ARHGAP26: variants seen among roughly 807,000 people sequenced by gnomAD.
ARHGAP26 encodes the protein rho GTPase-activating protein 26.
In ARHGAP26, 38 loss-of-function variants were observed where a neutral mutation model predicts 104.8. The observed-to-expected ratio is 0.36, with a 90% CI of 0.28 to 0.48. The LOEUF is 0.48. Ranked by LOEUF, ARHGAP26 falls within the 20% of genes least tolerant of loss-of-function variation. ARHGAP26 has a pLI of 0.99. For missense variants in ARHGAP26, 704 were observed against 947.9 expected, an observed-to-expected ratio of 0.74 and a Z score of 3.38; for synonymous variants, 341 against 340.0, an observed-to-expected ratio of 1.00 and a Z score of -0.03.
chr5:143,027,241 G>A (rs1004337096), intron 12 of ARHGAP26, among the ~76,000 whole-genome samples: 11 of 149,694 alleles, frequency 7.3e-5, no homozygotes, highest in Non-Finnish European at 3.0e-5. Context: ...GTACAATCTT[G>A]GCTCACTGCT....
intron 10 of ARHGAP26, among the ~76,000 whole-genome samples, chr5:142,915,062 A>G (rs934983293): frequency 5.9e-5 from 9 of 152,172 alleles, no homozygotes; most frequent in African/African-American, 2.2e-4. Context: ...TTGTGTTTTC[A>G]TCTTCAGAAG....
At chr5:142,957,287 T>C (rs1769418213) in intron 11 of ARHGAP26, among the ~76,000 whole-genome samples, 1 of 152,242 alleles carries the variant, frequency 6.6e-6, no homozygotes, top group African/African-American at 2.4e-5. Flanking sequence ...TAAAATCTTG[T>C]AGAAAAAATT....
intron 1 of ARHGAP26, among the ~76,000 whole-genome samples, chr5:142,864,178 G>A (rs1344885590): frequency 6.6e-6 from 1 of 152,088 alleles, no homozygotes; most frequent in East Asian, 1.9e-4. Flanking sequence ...ACCTTCTGAG[G>A]AAGCCCAGTA....
rs560396537 is a variant in ARHGAP26 at position 142,916,650 on chromosome 5, A to G, written c.1028+3357A>G. ...AACAAAAAAAAATTCAGGCTCCTCT[A>G]CTAAGGAGCTGAATGCTTACCTGTA... On this transcript the variant is annotated intron_variant, in intron 10 of 22. Transcript: ENST00000645722. Among the ~76,000 whole-genome samples, 230 of 152,340 alleles carry G rather than the reference A, an allele frequency of 1.5e-3. 1 individual carries two copies. The highest frequency in any genetic ancestry group is 5.3e-3 in the African/African-American group (220 of 41,574).
intron 19 of ARHGAP26, among the ~76,000 whole-genome samples, chr5:143,144,747 A>C (rs1399055133): frequency 6.6e-6 from 1 of 152,204 alleles, no homozygotes; most frequent in Non-Finnish European, 1.5e-5. Flanking sequence ...AAATGCTGTA[A>C]AATTTGTCTT....
intron 20 of ARHGAP26, among the ~76,000 whole-genome samples, chr5:143,194,575 A>T (rs1052876191): frequency 6.8e-6 from 1 of 147,454 alleles, no homozygotes; most frequent in Non-Finnish European, 1.5e-5. Context: ...TCAGATTTGG[A>T]AAAAAAAAAA....
At chr5:143,076,027 TCTCA>T (rs1269400026) in intron 17 of ARHGAP26, among the ~76,000 whole-genome samples, 5 of 146,980 alleles carry the variant, frequency 3.4e-5, no homozygotes, top group Non-Finnish European at 7.5e-5. Flanking sequence ...TGAAACAAGC[TCTCA>T]CTCTGTCACC....
At chr5:142,855,870 T>G (rs1034680587) in intron 1 of ARHGAP26, among the ~76,000 whole-genome samples, 4 of 145,906 alleles carry the variant, frequency 2.7e-5, no homozygotes, top group Non-Finnish European at 4.4e-5. Context: ...CTGTTGTCTC[T>G]CCAGTGACTT....
intron 17 of ARHGAP26, among the ~76,000 whole-genome samples, chr5:143,068,806 T>G (rs1787869618): frequency 1.3e-5 from 2 of 152,240 alleles, no homozygotes; most frequent in African/African-American, 2.4e-5. Flanking sequence ...CACTCATTCT[T>G]TCTTGAACCT....
At chr5:142,944,885 C>T (rs544236895) in intron 11 of ARHGAP26, among the ~76,000 whole-genome samples, 78 of 152,250 alleles carry the variant, frequency 5.1e-4, no homozygotes, top group African/African-American at 1.9e-3. Flanking sequence ...TTAGAATTCT[C>T]CTGCTTTATC....
Position 143,222,533 on chromosome 5 carries a change from T to C in ARHGAP26, c.*87T>C, listed in dbSNP as rs538130931. 2.6e-5 allele frequency: 29 copies of C among 1,094,532 alleles called. No individual in the cohort carries two copies. The East Asian group carries it at 7.1e-4, about 27-fold the overall frequency. The allele number at this position is 1,094,532 out of a possible 1,614,324, so 67.8% of individuals were successfully genotyped here. A position where few individuals can be genotyped will look rare whatever the true frequency, so the allele number is the denominator to read the frequency against. On this transcript the variant is annotated 3_prime_UTR_variant, in exon 23 of 23. Transcript: ENST00000645722. ...TGTCGAGGCCATTTCTCTTTGCCAC[T>C]GAGAAATGCAGCGTGACTGACTCTG...
At chr5:143,064,094 G>T (rs1787136361) in intron 17 of ARHGAP26, among the ~76,000 whole-genome samples, 1 of 152,048 alleles carries the variant, frequency 6.6e-6, no homozygotes, top group South Asian at 2.1e-4. Context: ...CATCTTTAAA[G>T]GGGGCGATTT....
At chr5:142,933,430 A>G (rs1252402199) in intron 11 of ARHGAP26, among the ~76,000 whole-genome samples, 1 of 152,200 alleles carries the variant, frequency 6.6e-6, no homozygotes, top group African/African-American at 2.4e-5. Flanking sequence ...CAGATAGTAA[A>G]TGGCTATATT....
Position 143,225,941 on chromosome 5 carries a change from A to G in ARHGAP26, c.*3495A>G, listed in dbSNP as rs1599596456. The G allele has an allele frequency of 4.6e-6, 1 of 219,270 alleles. No homozygotes were observed. The highest frequency in any genetic ancestry group is 9.2e-6 in the Non-Finnish European group (1 of 109,232). The allele number at this position is 219,270 out of a possible 1,614,324, so 13.6% of individuals were successfully genotyped here. On this transcript the variant is annotated 3_prime_UTR_variant, in exon 23 of 23. Transcript: ENST00000645722. ...AAGGAACTTGAAGACTAAAGATTTT[A>G]CTCTCTCCCCTATCCATGCCCCCTA...
At chr5:143,147,484 A>G (rs1481757639) in intron 20 of ARHGAP26, 103 bp downstream of exon 20, 1 of 1,359,694 alleles carries the variant, frequency 7.4e-7, no homozygotes, top group African/African-American at 1.5e-5. Context: ...TTATCCCCTG[A>G]ACATTATTTA....
intron 11 of ARHGAP26, among the ~76,000 whole-genome samples, chr5:142,990,275 T>C (rs1775394307): frequency 6.6e-6 from 1 of 152,238 alleles, no homozygotes; most frequent in African/African-American, 2.4e-5. Context: ...TTGCGTCATG[T>C]AGTTCTTGTG....
intron 11 of ARHGAP26, among the ~76,000 whole-genome samples, chr5:143,004,001 A>C (rs1777556036): frequency 7.2e-6 from 1 of 139,110 alleles, no homozygotes; most frequent in South Asian, 2.4e-4. Flanking sequence ...CCTCGTGGTC[A>C]GAACAAATTT....
rs17099823 is a variant in ARHGAP26 at position 143,049,901 on chromosome 5, C to T, written c.1286-4538C>T. Among the ~76,000 whole-genome samples, 1,087 of 152,312 alleles carry T rather than the reference C, an allele frequency of 7.1e-3. 12 individuals are homozygous for T. The highest frequency in any genetic ancestry group is 0.025 in the African/African-American group (1,032 of 41,552). On this transcript the variant is annotated intron_variant, in intron 14 of 22. Transcript: ENST00000645722. ...CCTTATGACTCTCATGTTTCTTCTA[C>T]GGCTCTCCTTCTGATTCACTTGCCT...
chr5:142,970,934 A>G lies in ARHGAP26; in HGVS notation c.1107+38809A>G, dbSNP rs77717014. 4.9e-3 allele frequency among the ~76,000 whole-genome samples: 745 copies of G among 152,368 alleles called. 7 individuals carry two copies. Among genetic ancestry groups the G allele is most frequent in the African/African-American group, 0.017 (713 of 41,582 alleles). On this transcript the variant is annotated intron_variant, in intron 11 of 22. Coordinates refer to ENST00000645722, the MANE Select transcript of ARHGAP26 (RefSeq NM_001135608.3). ...GACTAAAATAGCCATCTTTCAGGAC[A>G]TAGGATTCTTTCATATGAAACTTTT...
Sources: allele counts gnomAD v4.1 joint callset (sites outside exome capture counted in the v4.1 genomes callset), GRCh38; gene constraint gnomAD v4.1.1; transcripts MANE v1.5; gene names NCBI Gene and HGNC (gene_info 2026-07-23, HGNC 2026-07-21).